Variants in MTMR10 observed in about 807,000 individuals in gnomAD.
MTMR10 encodes myotubularin-related protein 10.
A neutral mutation model predicts 88.1 loss-of-function variants in MTMR10; 56 were observed. The ratio of observed to expected loss-of-function variants is 0.64; its 90% CI spans 0.51 to 0.79. The LOEUF is 0.79. Ranked by LOEUF, MTMR10 falls within the 30% of genes least tolerant of loss-of-function variation. MTMR10 has a pLI of 0.00. For synonymous variants in MTMR10, 380 were observed against 340.9 expected (o/e 1.11, Z -1.26); for missense variants, 883 against 924.7 (o/e 0.95, Z 0.58).
Position 30,984,412 on chromosome 15 carries a change from T to C in MTMR10, c.121+6365A>G, listed in dbSNP as rs114808599. The stretch of plus-strand genomic sequence containing the variant: ...GGTGTGTTACAAGTCCTTTGGTCTT[T>C]CAAAAACAATGCATTCACAAATTAA... On this transcript the variant is annotated intron_variant, in intron 2 of 15. Transcript: ENST00000435680. Among the ~76,000 whole-genome samples, 400 of 152,298 alleles carry C rather than the reference T, an allele frequency of 2.6e-3. 1 individual carries two copies. The highest frequency in any genetic ancestry group is 9.1e-3 in the African/African-American group (379 of 41,564).
At chr15:30,987,142 C>T (rs939554652) in intron 2 of MTMR10, among the ~76,000 whole-genome samples, 6 of 152,204 alleles carry the variant, frequency 3.9e-5, no homozygotes, top group African/African-American at 1.4e-4. Context: ...TATTTCAATT[C>T]CAGGCTCCGA....
rs568022672 is a variant in MTMR10, at chr15:30,966,703, CTG to C, written c.565+1215_565+1216del. Among the ~76,000 whole-genome samples, 14 of 150,124 alleles carry C rather than the reference CTG, an allele frequency of 9.3e-5. 1 individual carries two copies. The South Asian group carries it at 2.7e-3, about 29-fold the overall frequency. ...AATATTAATAAACTTCAAAAAATAA[CTG>C]TATTGCTTAAGCCTCAGTTACAATT... On this transcript the variant is annotated intron_variant, in intron 6 of 15. Transcript: ENST00000435680.
At chr15:30,943,124 G>A (rs570435549) in intron 14 of MTMR10, 52 bp from the exon 15 acceptor site, 246 of 1,506,128 alleles carry the variant, frequency 1.6e-4, no homozygotes, top group Non-Finnish European at 2.0e-4. Context: ...TCTCATGAAT[G>A]CCTTTTTTCA....
At chr15:30,933,527 G>C in the MTMR10 span, among the ~76,000 whole-genome samples, 1 of 152,136 alleles carries the variant, frequency 6.6e-6, no homozygotes, top group South Asian at 2.1e-4. Context: ...GTTGAGACTT[G>C]TTTTATGGTC....
rs1028968754 is a variant in MTMR10, at chr15:30,949,690, A to G, written c.1208-1219T>C. The G allele has an allele frequency of 4.6e-5, 7 of 152,272 alleles. 1 individual carries two copies. The highest frequency in any genetic ancestry group is 8.8e-5 in the Non-Finnish European group (6 of 68,050). 9.4% of individuals were successfully genotyped at this position (152,272 alleles called of 1,614,324 possible). A position where few individuals can be genotyped will look rare whatever the true frequency, so the allele number is the denominator to read the frequency against. ...CTAAATAAATGAAGCAGCATAATTC[A>G]TAACAGCCACAAAGTGGAAACAACC... On this transcript the variant is annotated intron_variant, in intron 12 of 15. Coordinates refer to ENST00000435680, the MANE Select transcript of MTMR10 (RefSeq NM_017762.3).
At position 30,941,599 on chromosome 15, in the gene MTMR10, G is replaced by A. The variant is rs912300426; in HGVS notation, c.2205C>T (p.Leu735=). 4 of 1,599,686 alleles carry A rather than the reference G, an allele frequency of 2.5e-6. No individual in the cohort carries two copies. Among genetic ancestry groups the A allele is most frequent in the African/African-American group, 2.7e-5 (2 of 74,780 alleles). The change falls in exon 16 of 16, where the codon CTC becomes CTT. Residue 735 remains leucine, a synonymous_variant. Transcript: ENST00000435680. The part of the protein sequence containing the change: ...HTDTSGTPEF[L]SSSFPFSPVG... ...CAGGAGAAAATGGAAATGAGGAGGA[G>A]AGAAACTCCGGTGTCCCCGAGGTGT... is the stretch of plus-strand genomic sequence containing the variant.
downstream of MTMR10, chr15:30,937,085 T>C (rs1384377324): frequency 6.3e-7 from 1 of 1,588,532 alleles, no homozygotes; most frequent in Non-Finnish European, 8.6e-7. Context: ...TTCAGTAAGA[T>C]ACTAATAACA....
At chr15:30,952,092 CAT>C in intron 11 of MTMR10, 54 bp from the exon 12 acceptor site, 1 of 1,414,440 alleles carries the variant, frequency 7.1e-7, no homozygotes, top group Non-Finnish European at 1.0e-6. Context: ...ACTACAAATA[CAT>C]AAAGTACTTG....
At chr15:30,924,454 A>G in the MTMR10 span, among the ~76,000 whole-genome samples, 1 of 152,122 alleles carries the variant, frequency 6.6e-6, no homozygotes, top group Non-Finnish European at 1.5e-5. Context: ...CCCACCAGCA[A>G]TGCGTGAGGT....
At chr15:30,956,012 T>C (rs1196929278) in intron 9 of MTMR10, among the ~76,000 whole-genome samples, 1 of 145,068 alleles carries the variant, frequency 6.9e-6, no homozygotes, top group Non-Finnish European at 1.5e-5. Context: ...TTTTTTTTTT[T>C]CCTGAATAGA....
At chr15:30,981,984 T>C (rs538812842) in intron 2 of MTMR10, among the ~76,000 whole-genome samples, 4 of 151,042 alleles carry the variant, frequency 2.6e-5, no homozygotes, top group African/African-American at 9.8e-5. Context: ...GGCAGGAGAA[T>C]CGCTCAAACT....
chr15:30,931,007 C>A, the MTMR10 span, among the ~76,000 whole-genome samples: 1 of 152,206 alleles, frequency 6.6e-6, no homozygotes, highest in East Asian at 1.9e-4. Context: ...GGTGTGGACA[C>A]CAGGAGCTAT....
the MTMR10 span, among the ~76,000 whole-genome samples, chr15:30,924,334 C>G: frequency 6.6e-6 from 1 of 152,158 alleles, no homozygotes; most frequent in Non-Finnish European, 1.5e-5. Flanking sequence ...GGTTTCAATT[C>G]TTTTGGGAAT....
In MTMR10 at chr15:30,948,746, G is replaced by C. The variant is rs1182086005; in HGVS notation, c.1208-275C>G. 6.0e-6 allele frequency: 3 copies of C among 495,884 alleles called. No individual in the cohort carries two copies. In the Admixed American group the frequency reaches 1.1e-4, roughly 19 times the overall value. The allele number at this position is 495,884 out of a possible 1,614,324, so 30.7% of individuals were successfully genotyped here. A position where few individuals can be genotyped will look rare whatever the true frequency, so the allele number is the denominator to read the frequency against. On this transcript the variant is annotated intron_variant, in intron 12 of 15. Coordinates refer to ENST00000435680, the MANE Select transcript of MTMR10 (RefSeq NM_017762.3). ...ACTTTTTACATTCGAATGGTTTGTG[G>C]TAGAAAATCCGTCTAGACTCCATTC...
At chr15:30,926,996 T>G in the MTMR10 span, 2 of 985,440 alleles carry the variant, frequency 2.0e-6, no homozygotes, top group Non-Finnish European at 2.4e-6. Context: ...ATAACACAAA[T>G]GCACAGCATG....
intron 2 of MTMR10, among the ~76,000 whole-genome samples, chr15:30,988,047 A>G (rs959976519): frequency 1.3e-5 from 2 of 152,188 alleles, no homozygotes; most frequent in African/African-American, 4.8e-5. Flanking sequence ...TAAAAGCTCT[A>G]GCCTAGTCTA....
At chr15:30,967,873 T>C (rs1170731852) in intron 6 of MTMR10, 47 bp downstream of exon 6, 3 of 1,449,262 alleles carry the variant, frequency 2.1e-6, no homozygotes, top group African/African-American at 2.8e-5. Flanking sequence ...AAGAGTAAAA[T>C]TTACACATGT....
chr15:30,952,432 A>G (rs954759784), intron 11 of MTMR10, among the ~76,000 whole-genome samples: 36 of 152,306 alleles, frequency 2.4e-4, no homozygotes, highest in African/African-American at 8.7e-4. Context: ...GTGGCATATC[A>G]CAGCTCATTG....
At chr15:30,943,925 T>A (rs1037482497) in intron 14 of MTMR10, 1 of 985,264 alleles carries the variant, frequency 1.0e-6, no homozygotes, top group African/African-American at 1.7e-5. Context: ...ACACAACAGT[T>A]CGCTGGAGGA....
Sources: allele counts gnomAD v4.1 joint callset (sites outside exome capture counted in the v4.1 genomes callset), GRCh38; gene constraint gnomAD v4.1.1; transcripts MANE v1.5; gene names NCBI Gene and HGNC (gene_info 2026-07-23, HGNC 2026-07-21).